The following BMP2K variants were observed in gnomAD, a reference collection of about 807,000 sequenced individuals.
BMP2K encodes the protein BMP2 inducible kinase.
BMP2K carries 74 observed loss-of-function variants against 116.0 expected under a neutral mutation model. The observed-to-expected ratio is 0.64, with a 90% CI of 0.53 to 0.77. The LOEUF is 0.77. Ranked by LOEUF, BMP2K falls within the 30% of genes least tolerant of loss-of-function variation. The pLI is 0.00. For missense variants in BMP2K, 1,365 were observed against 1,403.6 expected, an observed-to-expected ratio of 0.97 and a Z score of 0.44; for synonymous variants, 486 against 502.5, an observed-to-expected ratio of 0.97 and a Z score of 0.44.
In BMP2K at chr4:78,826,761, C is replaced by T. The variant is rs528947659; in HGVS notation, c.297+606C>T. Among the ~76,000 whole-genome samples, 8 of 152,158 alleles carry T rather than the reference C, an allele frequency of 5.3e-5. No homozygotes were observed. The South Asian group carries it at 1.7e-3, about 32-fold the overall frequency. On this transcript the variant is annotated intron_variant, in intron 2 of 15. Transcript: ENST00000502613. ...CATCATCCTGTATACTTTAAAGCTA[C>T]TCTGCTTTCTTTCTTTTTTTTTTCT...
intron 13 of BMP2K, among the ~76,000 whole-genome samples, chr4:78,876,827 GCAATTTTATTGTTGTATGAA>G (rs1732653586): frequency 6.6e-6 from 1 of 152,190 alleles, no homozygotes; most frequent in Admixed American, 6.5e-5. Context: ...GCATCATTAG[GCAATTTTATTGTTGTATGAA>G]CATCATAGAG....
intron 5 of BMP2K, among the ~76,000 whole-genome samples, chr4:78,846,163 T>C (rs1437960593): frequency 6.6e-6 from 1 of 151,664 alleles, no homozygotes; most frequent in Admixed American, 6.6e-5. Flanking sequence ...CAATTGAATG[T>C]TTTATTAGCG....
At chr4:78,846,381 A>C (rs1731001408) in intron 5 of BMP2K, among the ~76,000 whole-genome samples, 2 of 151,766 alleles carry the variant, frequency 1.3e-5, no homozygotes, top group South Asian at 4.1e-4. Flanking sequence ...CTCTCTCACC[A>C]GTCAGAGTGT....
intron 6 of BMP2K, among the ~76,000 whole-genome samples, chr4:78,849,057 A>T (rs946942398): frequency 6.6e-6 from 1 of 151,580 alleles, no homozygotes; most frequent in Non-Finnish European, 1.5e-5. Flanking sequence ...GAGGCATGAT[A>T]TTGAAGTATT....
At chr4:78,796,352 C>T (rs1410016319) in intron 1 of BMP2K, among the ~76,000 whole-genome samples, 1 of 127,036 alleles carries the variant, frequency 7.9e-6, no homozygotes, top group African/African-American at 3.1e-5. Context: ...CACATGGACA[C>T]AGGAAGGGGA....
chr4:78,829,421 T>A (rs1479835859), intron 2 of BMP2K, among the ~76,000 whole-genome samples: 2 of 151,362 alleles, frequency 1.3e-5, no homozygotes, highest in Admixed American at 6.6e-5. Flanking sequence ...TTTTTTTCTG[T>A]TTCTACCATG....
chr4:78,822,792 T>G (rs1034434094), intron 1 of BMP2K, among the ~76,000 whole-genome samples: 3 of 152,158 alleles, frequency 2.0e-5, no homozygotes, highest in African/African-American at 7.2e-5. Context: ...AGTCAAATTC[T>G]AGATAGAAGT....
intron 15 of BMP2K, among the ~76,000 whole-genome samples, chr4:78,904,876 GAAAAT>G (rs1734207254): frequency 6.6e-6 from 1 of 151,792 alleles, no homozygotes; most frequent in Admixed American, 6.6e-5. Context: ...ACTAGGTTCT[GAAAAT>G]AAGATAGTTA....
chr4:78,847,332 A>T, intron 6 of BMP2K, 63 bp downstream of exon 6: 1 of 1,261,710 alleles, frequency 7.9e-7, no homozygotes, highest in Non-Finnish European at 1.1e-6. Context: ...TCAGTTTATT[A>T]TTTTTTACTC....
At chr4:78,888,832 G>C (rs1316107085) in intron 15 of BMP2K, among the ~76,000 whole-genome samples, 1 of 152,130 alleles carries the variant, frequency 6.6e-6, no homozygotes, top group Non-Finnish European at 1.5e-5. Flanking sequence ...CAACCCAGTA[G>C]GTACCTAATA....
intron 1 of BMP2K, among the ~76,000 whole-genome samples, chr4:78,785,358 C>T (rs1003431971): frequency 4.6e-5 from 7 of 152,098 alleles, no homozygotes; most frequent in Admixed American, 1.3e-4. Flanking sequence ...GTGATCTGCC[C>T]ACCTTGGCTT....
intron 9 of BMP2K, among the ~76,000 whole-genome samples, chr4:78,863,972 C>A (rs1015723011): frequency 3.3e-5 from 5 of 152,128 alleles, no homozygotes; most frequent in African/African-American, 1.2e-4. Flanking sequence ...ATTACATTTC[C>A]ACTAACATAT....
chr4:78,851,987 A>G (rs535860288), intron 7 of BMP2K, among the ~76,000 whole-genome samples: 2 of 152,234 alleles, frequency 1.3e-5, no homozygotes, highest in South Asian at 4.1e-4. Context: ...AAGTTTTATA[A>G]TTTATGAAGC....
intron 15 of BMP2K, among the ~76,000 whole-genome samples, chr4:78,892,859 C>A (rs1733515447): frequency 6.6e-6 from 1 of 152,128 alleles, no homozygotes; most frequent in Non-Finnish European, 1.5e-5. Context: ...ATCATCTGAA[C>A]CTTCAGCTGG....
At chr4:78,779,433 A>C (rs1433050877) in intron 1 of BMP2K, among the ~76,000 whole-genome samples, 1 of 152,220 alleles carries the variant, frequency 6.6e-6, no homozygotes, top group Non-Finnish European at 1.5e-5. Flanking sequence ...TTCAACAGTG[A>C]AATCACCAAT....
At chr4:78,861,066 A>T (rs1437967164) in intron 8 of BMP2K, among the ~76,000 whole-genome samples, 1 of 151,850 alleles carries the variant, frequency 6.6e-6, no homozygotes, top group Non-Finnish European at 1.5e-5. Context: ...CAAAATGTAA[A>T]ATAGTTATTG....
rs557707644 is a variant in BMP2K, at chr4:78,866,102, A to G, written c.1231+382A>G. Among the ~76,000 whole-genome samples, 9 of 152,286 alleles carry G rather than the reference A, an allele frequency of 5.9e-5. No homozygotes were observed. In the South Asian group the frequency reaches 1.5e-3, roughly 25 times the overall value. On this transcript the variant is annotated intron_variant, in intron 10 of 15. Transcript: ENST00000502613. ...AGTCTTACAAAGTTTATGTCTTTGT[A>G]TTGCACCTAGAGCCTTGGTGAAGGG...
intron 1 of BMP2K, among the ~76,000 whole-genome samples, chr4:78,813,454 G>A (rs1451026526): frequency 6.6e-6 from 1 of 152,114 alleles, no homozygotes; most frequent in Non-Finnish European, 1.5e-5. Context: ...AAAAGCCAGT[G>A]ACATTACCCT....
chr4:78,865,137 C>A (rs1297298249), intron 9 of BMP2K, among the ~76,000 whole-genome samples: 1 of 152,058 alleles, frequency 6.6e-6, no homozygotes, highest in Non-Finnish European at 1.5e-5. Flanking sequence ...TTTTTTTATG[C>A]CTTGGAGTCC....
Sources: allele counts gnomAD v4.1 joint callset (sites outside exome capture counted in the v4.1 genomes callset), GRCh38; gene constraint gnomAD v4.1.1; transcripts MANE v1.5; gene names NCBI Gene and HGNC (gene_info 2026-07-23, HGNC 2026-07-21).